Variants in ATP10D observed in about 807,000 individuals in gnomAD.
ATP10D encodes the protein ATPase phospholipid transporting 10D (putative), also known as phospholipid-transporting ATPase VD.
ATP10D carries 89 observed loss-of-function variants against 144.8 expected under a neutral mutation model. The ratio of observed to expected loss-of-function variants is 0.61; its 90% CI spans 0.52 to 0.73. ATP10D has a LOEUF of 0.73. ATP10D is among the 30% of genes least tolerant of loss of function. ATP10D has a pLI of 0.00. For synonymous variants in ATP10D, 571 were observed against 615.1 expected, an observed-to-expected ratio of 0.93 and a Z score of 1.06; for missense variants, 1,603 against 1,714.8, an observed-to-expected ratio of 0.93 and a Z score of 1.15.
At chr4:47,563,411 A>G (rs899259197) in intron 14 of ATP10D, among the ~76,000 whole-genome samples, 170 bp from the exon 15 acceptor site, 3 of 152,208 alleles carry the variant, frequency 2.0e-5, no homozygotes, top group Non-Finnish European at 4.4e-5. Context: ...ATTACATTGC[A>G]TATAATTTTG....
At chr4:47,560,440 A>G (rs951528600) in intron 13 of ATP10D, among the ~76,000 whole-genome samples, 6 of 152,156 alleles carry the variant, frequency 3.9e-5, no homozygotes, top group African/African-American at 1.2e-4. Flanking sequence ...TAGTGAGCCG[A>G]GATCAGGCCA....
rs76878064 is a variant in ATP10D at position 47,489,772 on chromosome 4, G to A, written c.-38+4253G>A. Among the ~76,000 whole-genome samples, 251 of 152,176 alleles carry A rather than the reference G, an allele frequency of 1.6e-3. 2 individuals carry two copies. The highest frequency in any genetic ancestry group is 5.9e-3 in the African/African-American group (245 of 41,512). On this transcript the variant is annotated intron_variant, in intron 1 of 22. Transcript: ENST00000273859. The stretch of plus-strand genomic sequence containing the variant: ...CTATTCTGCTCACATTCACTGTTTC[G>A]CCTCCACCTATTTTCTAAAATAATA...
intron 1 of ATP10D, among the ~76,000 whole-genome samples, chr4:47,501,235 T>C (rs1715666447): frequency 1.3e-5 from 2 of 152,184 alleles, no homozygotes; most frequent in Non-Finnish European, 2.9e-5. Flanking sequence ...ATGGGTAGGA[T>C]CAGTGATATT....
intron 5 of ATP10D, among the ~76,000 whole-genome samples, chr4:47,533,117 A>G (rs1717653075): frequency 6.6e-6 from 1 of 152,164 alleles, no homozygotes; most frequent in Non-Finnish European, 1.5e-5. Flanking sequence ...ATTTCAGGGG[A>G]AAAAATCTTA....
In ATP10D at chr4:47,587,154, C is replaced by T; in HGVS notation, c.3889C>T (p.Pro1297Ser). The part of the protein sequence containing the change: ...YWIMQEHMLD[P>S]VFYLVCILTT... ...GATTATGCAGGAGCACATGCTGGATCCAGTATTCTACTTAGTTTGTATCCT... is the reference window on the plus strand; with the variant it reads ...GATTATGCAGGAGCACATGCTGGATTCAGTATTCTACTTAGTTTGTATCCT... Residue 1297 changes from proline to serine, a missense_variant, in exon 22 of 23, where the codon CCA (proline) becomes TCA (serine). By Grantham distance (74) the Pro-to-Ser change is moderately conservative. Coordinates refer to ENST00000273859, the MANE Select transcript of ATP10D (RefSeq NM_020453.4). The T allele has an allele frequency of 6.2e-7, 1 of 1,614,068 alleles. No individual in the cohort carries two copies. The highest frequency in any genetic ancestry group is 8.5e-7 in the Non-Finnish European group (1 of 1,179,954).
Position 47,512,896 on chromosome 4 carries a change from T to C in ATP10D, c.290+66T>C, listed in dbSNP as rs575337056. 9.0e-5 allele frequency: 128 copies of C among 1,424,310 alleles called. No homozygotes were observed. The African/African-American group carries it at 1.6e-3, about 18-fold the overall frequency. 88.2% of individuals were successfully genotyped at this position (1,424,310 alleles called of 1,614,324 possible). Reference sequence around the variant, plus strand: ...TAGTTGATATATAACATATTTTTCATTTTCATAACCCTGTATATTACTTAA... The same window carrying C: ...TAGTTGATATATAACATATTTTTCACTTTCATAACCCTGTATATTACTTAA... On this transcript the variant is annotated intron_variant, in intron 2 of 22. Transcript: ENST00000273859.
At chr4:47,576,167 G>A (rs1720233598) in intron 18 of ATP10D, among the ~76,000 whole-genome samples, 2 of 151,464 alleles carry the variant, frequency 1.3e-5, no homozygotes, top group African/African-American at 2.4e-5. Flanking sequence ...TCCTGACCTC[G>A]TGATCCACCC....
intron 1 of ATP10D, among the ~76,000 whole-genome samples, chr4:47,489,771 C>A (rs28367348): frequency 6.6e-6 from 1 of 152,168 alleles, no homozygotes; most frequent in South Asian, 2.1e-4. Context: ...TTCACTGTTT[C>A]GCCTCCACCT....
At chr4:47,559,718 A>G (rs115515841) in intron 13 of ATP10D, among the ~76,000 whole-genome samples, 4,084 of 152,246 alleles carry the variant, frequency 0.027, 177 homozygotes, top group African/African-American at 0.09. Flanking sequence ...TAAGGAATCA[A>G]AAGTCTGATG....
chr4:47,588,193 A>G (rs920746412), intron 22 of ATP10D, among the ~76,000 whole-genome samples: 3 of 152,152 alleles, frequency 2.0e-5, no homozygotes, highest in Admixed American at 6.5e-5. Flanking sequence ...GATTTATAGT[A>G]TTGTATGGGA....
At chr4:47,580,676 C>T (rs899209843) in intron 20 of ATP10D, among the ~76,000 whole-genome samples, 198 bp downstream of exon 20, 1 of 152,070 alleles carries the variant, frequency 6.6e-6, no homozygotes, top group Non-Finnish European at 1.5e-5. Context: ...AGTTTGAGTC[C>T]TCTTAGGCCT....
At chr4:47,549,489 C>T (rs1718614220) in intron 10 of ATP10D, among the ~76,000 whole-genome samples, 1 of 152,162 alleles carries the variant, frequency 6.6e-6, no homozygotes, top group South Asian at 2.1e-4. Flanking sequence ...TTCAGGGGTG[C>T]CTGGCACCAT....
intron 2 of ATP10D, among the ~76,000 whole-genome samples, chr4:47,513,904 G>T (rs1407512191): frequency 6.6e-6 from 1 of 152,168 alleles, no homozygotes; most frequent in East Asian, 1.9e-4. Flanking sequence ...CCAGTGAATT[G>T]TAATGGAGAC....
At chr4:47,502,030 T>A (rs1308474781) in intron 1 of ATP10D, among the ~76,000 whole-genome samples, 1 of 152,190 alleles carries the variant, frequency 6.6e-6, no homozygotes, top group Non-Finnish European at 1.5e-5. Flanking sequence ...TATTAGGAAC[T>A]CACCATAAAT....
chr4:47,492,105 C>T (rs1194399700), intron 1 of ATP10D, among the ~76,000 whole-genome samples: 1 of 152,036 alleles, frequency 6.6e-6, no homozygotes, highest in South Asian at 2.1e-4. Flanking sequence ...GTAGGAGTGC[C>T]AAAAATATTA....
intron 9 of ATP10D, 125 bp from the exon 10 acceptor site, chr4:47,546,499 C>A: frequency 7.3e-6 from 6 of 821,212 alleles, no homozygotes; most frequent in Non-Finnish European, 1.2e-5. Flanking sequence ...GGGAGGTAGG[C>A]CTTGGCAGCC....
rs572909757 is a variant in ATP10D at position 47,494,925 on chromosome 4, C to T, written c.-38+9406C>T. Among the ~76,000 whole-genome samples the T allele has an allele frequency of 3.9e-5, 6 of 152,300 alleles. No homozygotes were observed. The South Asian group carries it at 1.2e-3, about 32-fold the overall frequency. On this transcript the variant is annotated intron_variant, in intron 1 of 22. Transcript: ENST00000273859. ...ACAACTAATTTTCAGAAAGAAGAGTCTCCCAAAACTATATTGACATTTAAG... is the reference window on the plus strand; with the variant it reads ...ACAACTAATTTTCAGAAAGAAGAGTTTCCCAAAACTATATTGACATTTAAG...
At position 47,593,392 on chromosome 4, in the gene ATP10D, C is replaced by CA. The variant is rs1721128370; in HGVS notation, c.*2016dup. ...ATGTAATCATTCATATACTTTGCTA[C>CA]AAAAATATTAATATATTTCATTACT... On this transcript the variant is annotated 3_prime_UTR_variant, in exon 23 of 23. Coordinates refer to ENST00000273859, the MANE Select transcript of ATP10D (RefSeq NM_020453.4). 6.6e-6 allele frequency: 1 copy of CA among 151,998 alleles called. No individual in the cohort carries two copies. The highest frequency in any genetic ancestry group is 6.6e-5 in the Admixed American group (1 of 15,246). 9.4% of individuals were successfully genotyped at this position (151,998 alleles called of 1,614,324 possible).
Position 47,557,690 on chromosome 4 carries a change from G to A in ATP10D, c.1851G>A (p.Leu617=). 3 of 1,610,820 alleles carry A rather than the reference G, an allele frequency of 1.9e-6. No homozygotes were observed. Among genetic ancestry groups the A allele is most frequent in the Non-Finnish European group, 1.7e-6 (2 of 1,177,266 alleles). ...TCAGACACCCTTCACTGGGGGGGTT[G>A]CCCATTAAGTCTTTGGAAGAGATTA... ...QKIRHPSLGG[L]PIKSLEEIKS... The change falls in exon 12 of 23, where the codon TTG becomes TTA. Residue 617 remains leucine, a synonymous_variant. Transcript: ENST00000273859.
Sources: gnomAD v4.1 joint callset for allele counts (sites outside exome capture counted in the v4.1 genomes callset) on GRCh38, gnomAD v4.1.1 for gene constraint, MANE v1.5 for transcripts, NCBI Gene and HGNC (gene_info 2026-07-23, HGNC 2026-07-21) for gene names.